Variants in ADGRD2 observed in about 807,000 individuals in gnomAD.
The protein encoded by ADGRD2 is adhesion G protein-coupled receptor D2.
Under a neutral mutation model 44.4 loss-of-function variants are expected in ADGRD2, and 71 were observed. The observed-to-expected ratio is 1.60, with a 90% CI of 1.32 to 1.95. The LOEUF (loss-of-function observed/expected upper bound fraction) is 1.95, where lower values mean the gene tolerates loss of function less well. Among genes scored for constraint, ADGRD2 ranks in the 30% most tolerant of loss-of-function variants. The pLI is 0.00. For missense variants in ADGRD2, 1,039 were observed against 512.4 expected, an observed-to-expected ratio of 2.03 and a Z score of -9.92; for synonymous variants, 481 against 224.8, an observed-to-expected ratio of 2.14 and a Z score of -10.19.
In ADGRD2 at chr9:124,469,202, C is replaced by T; in HGVS notation, c.2388-20C>T. 2.8e-6 allele frequency: 2 copies of T among 702,458 alleles called. No homozygotes were observed. The allele number at this position is 702,458 out of a possible 1,614,324, so 43.5% of individuals were successfully genotyped here. On this transcript the variant is annotated intron_variant, in intron 14 of 21. Transcript: ENST00000334810. Reference sequence around the variant, plus strand: ...AAAAGCAGGTGACCCAGCCTTGAGGCCCCCTTCTCCCTCTCCCAGGCGTGC... The same window carrying T: ...AAAAGCAGGTGACCCAGCCTTGAGGTCCCCTTCTCCCTCTCCCAGGCGTGC...
intron 7 of ADGRD2, among the ~76,000 whole-genome samples, chr9:124,457,264 G>A (rs551333532): frequency 1.2e-4 from 19 of 152,208 alleles, no homozygotes; most frequent in South Asian, 2.1e-4. Flanking sequence ...CCTGCCTCGC[G>A]GTGACCGCCC....
At chr9:124,468,303 G>A (rs1831871011) in intron 13 of ADGRD2, 113 bp downstream of exon 16, 1 of 693,628 alleles carries the variant, frequency 1.4e-6, no homozygotes, top group Admixed American at 2.0e-5. Flanking sequence ...CACTTCCCTG[G>A]GGAGGAGCAG....
chr9:124,473,776 C>T (rs1386756344), intron 17 of ADGRD2, among the ~76,000 whole-genome samples: 1 of 152,088 alleles, frequency 6.6e-6, no homozygotes, highest in African/African-American at 2.4e-5. Flanking sequence ...AACAACTCAT[C>T]GGAGGCAGAA....
chr9:124,452,377 G>A, intron 1 of ADGRD2, 133 bp from the exon 5 acceptor site: 1 of 675,174 alleles, frequency 1.5e-6, no homozygotes, highest in South Asian at 1.7e-5. Flanking sequence ...GACTCAGCAG[G>A]CCATAGACAT....
At chr9:124,450,820 A>G (rs1831453222), upstream of ADGRD2, among the ~76,000 whole-genome samples, 1 of 152,230 alleles carries the variant, frequency 6.6e-6, no homozygotes, top group South Asian at 2.1e-4. Context: ...GTGAATGATC[A>G]CTGGTGATGG....
intron 10 of ADGRD2, chr9:124,465,353 T>A (rs1480404848): frequency 2.3e-5 from 2 of 86,008 alleles, no homozygotes; most frequent in African/African-American, 1.2e-4. Context: ...CATTTCCAGG[T>A]TCTTTTTTTT....
Position 124,454,626 on chromosome 9 carries a change from A to T in ADGRD2, c.1108+57A>T, listed in dbSNP as rs771344152. ...GGGGCTCCATGGGTCACCTCGCTGC[A>T]CCTCAGTTTCCTCCCTTGTAAAGGG... is the stretch of plus-strand genomic sequence containing the variant. On this transcript the variant is annotated intron_variant, in intron 5 of 21. Coordinates refer to ENST00000334810, the Ensembl canonical transcript of ADGRD2. The surrounding 1 kb of genome is among the most constrained non-coding windows in gnomAD (Gnocchi z 4.5). 2.3e-4 allele frequency: 160 copies of T among 695,150 alleles called. No individual in the cohort carries two copies. The highest frequency in any genetic ancestry group is 3.7e-4 in the Non-Finnish European group (138 of 371,116). 43.1% of individuals were successfully genotyped at this position (695,150 alleles called of 1,614,324 possible). A position where few individuals can be genotyped will look rare whatever the true frequency, so the allele number is the denominator to read the frequency against.
chr9:124,478,021 C>A (rs1284432769), intron 21 of ADGRD2, among the ~76,000 whole-genome samples: 1 of 152,162 alleles, frequency 6.6e-6, no homozygotes, highest in Non-Finnish European at 1.5e-5. Context: ...CCCCACCCCG[C>A]GGGCCACTCA....
chr9:124,463,649 C>T (rs1458977204), intron 10 of ADGRD2, among the ~76,000 whole-genome samples: 1 of 152,060 alleles, frequency 6.6e-6, no homozygotes, highest in Non-Finnish European at 1.5e-5. Context: ...TGTTTTATTT[C>T]TTCTTGAGAT....
At chr9:124,468,670 G>T in exon 14 of ADGRD2, 1 of 714,988 alleles carries the variant, frequency 1.4e-6, no homozygotes, top group Non-Finnish European at 2.6e-6. Context: ...GCCACAGGCT[G>T]GGGTGAGGCC....
intron 17 of ADGRD2, among the ~76,000 whole-genome samples, chr9:124,471,322 C>T (rs1053483755): frequency 3.3e-5 from 5 of 152,148 alleles, no homozygotes; most frequent in South Asian, 2.1e-4. Context: ...TTGCCCAGCC[C>T]GGGTCCCTCT....
intron 19 of ADGRD2, 116 bp downstream of exon 22, chr9:124,475,731 G>A (rs572041951): frequency 7.2e-6 from 4 of 556,682 alleles, no homozygotes; most frequent in South Asian, 6.8e-5. Flanking sequence ...GGACCAGCCT[G>A]AGGCCCCCAG....
rs1288782548 is a variant in ADGRD2 at position 124,454,841 on chromosome 9, A to T, written c.1109-2A>T. The T allele has an allele frequency of 5.8e-6, 4 of 693,438 alleles. No homozygotes were observed. Among genetic ancestry groups the T allele is most frequent in the African/African-American group, 5.3e-5 (3 of 56,960 alleles). 43.0% of individuals were successfully genotyped at this position (693,438 alleles called of 1,614,324 possible). On this transcript the variant is annotated splice_acceptor_variant, in intron 5 of 21. Coordinates refer to ENST00000334810, the Ensembl canonical transcript of ADGRD2. LOFTEE classifies it high-confidence loss of function. The surrounding 1 kb of genome is among the most constrained non-coding windows in gnomAD (Gnocchi z 4.5). ...CAGAGTCAGTGGCTCCTCTGTCCAC[A>T]GCTCCTCCCGGACCCCCTCTCCGAA...
Position 124,469,491 on chromosome 9 carries a change from T to C in ADGRD2, c.2583T>C (p.Arg861=), listed in dbSNP as rs371883754. The change falls in exon 16 of 22, where the codon CGT becomes CGC. Residue 861 remains arginine (R), a synonymous_variant. Coordinates refer to ENST00000334810, the Ensembl canonical transcript of ADGRD2. ...TCACCGTGTCCAGTGCCCGCCGCCGTGCCCGCATGTTGAGCCCACAGCCCT... is the reference window on the plus strand; with the variant it reads ...TCACCGTGTCCAGTGCCCGCCGCCGCGCCCGCATGTTGAGCCCACAGCCCT... 93 of 718,114 alleles carry C rather than the reference T, an allele frequency of 1.3e-4. No individual in the cohort carries two copies. The African/African-American group carries it at 1.5e-3, about 12-fold the overall frequency. 44.5% of individuals were successfully genotyped at this position (718,114 alleles called of 1,614,324 possible). A position where few individuals can be genotyped will look rare whatever the true frequency, so the allele number is the denominator to read the frequency against.
chr9:124,463,787 T>C (rs1328918791), intron 10 of ADGRD2, among the ~76,000 whole-genome samples: 1 of 152,216 alleles, frequency 6.6e-6, no homozygotes, highest in Non-Finnish European at 1.5e-5. Flanking sequence ...TTCTTTTTCA[T>C]TCTTGGCCAG....
chr9:124,455,621 G>A (rs964264602), intron 6 of ADGRD2, among the ~76,000 whole-genome samples: 9 of 151,904 alleles, frequency 5.9e-5, no homozygotes, highest in African/African-American at 2.2e-4. Context: ...TTTAACAATA[G>A]CTTCTGTAGT....
rs143941039 is a variant in ADGRD2 at position 124,468,456 on chromosome 9, G to A, written c.2234-63G>A. ...GGCAAGGCCGGGCTGGGCATGGGCC[G>A]CGGGGCTGGCCTGCACCTGCGTCTG... On this transcript the variant is annotated intron_variant, in intron 13 of 21. Transcript: ENST00000334810. The A allele has an allele frequency of 2.2e-3, 1,546 of 715,204 alleles. 12 individuals carry two copies. In the African/African-American group the frequency reaches 0.022, roughly 10 times the overall value. The allele number at this position is 715,204 out of a possible 1,614,324, so 44.3% of individuals were successfully genotyped here.
chr9:124,472,966 C>A (rs1166866796), intron 17 of ADGRD2, among the ~76,000 whole-genome samples: 1 of 152,230 alleles, frequency 6.6e-6, no homozygotes, highest in African/African-American at 2.4e-5. Context: ...GGAGTGGGGT[C>A]TGGGCCCCGC....
At chr9:124,469,660 C>A in intron 16 of ADGRD2, 113 bp downstream of exon 19, 1 of 661,450 alleles carries the variant, frequency 1.5e-6, no homozygotes, top group South Asian at 1.7e-5. Context: ...AGAGCGTGAC[C>A]GTGTGGCTAT....
Sources: gnomAD v4.1 joint callset for allele counts (sites outside exome capture counted in the v4.1 genomes callset) on GRCh38, gnomAD v4.1.1 for gene constraint, Gnocchi (gnomAD v3.1) non-coding constraint, MANE v1.5 for transcripts, NCBI Gene and HGNC (gene_info 2026-07-23, HGNC 2026-07-21) for gene names.